The following RAB3IL1 variants were observed in gnomAD, a reference collection of about 807,000 sequenced individuals.
RAB3IL1 encodes guanine nucleotide exchange factor for Rab-3A.
RAB3IL1 carries 37 observed loss-of-function variants against 49.2 expected under a neutral mutation model. The ratio of observed to expected loss-of-function variants is 0.75; its 90% CI spans 0.58 to 0.99. The LOEUF is 0.99. RAB3IL1 is among the 50% of genes least tolerant of loss of function. RAB3IL1 has a pLI of 0.00. For missense variants in RAB3IL1, 484 were observed against 513.0 expected (o/e 0.94, Z 0.55); for synonymous variants, 193 against 213.9 (o/e 0.90, Z 0.85).
chr11:61,902,353 G>A (rs1476151908), intron 8 of RAB3IL1, 89 bp downstream of exon 8: 2 of 1,059,406 alleles, frequency 1.9e-6, no homozygotes. Flanking sequence ...AAGGTGTAGT[G>A]CTATTCATAC....
intron 7 of RAB3IL1, among the ~76,000 whole-genome samples, chr11:61,904,274 G>A (rs1939062047): frequency 6.6e-6 from 1 of 152,112 alleles, no homozygotes; most frequent in African/African-American, 2.4e-5. Flanking sequence ...ATTGGCAGGG[G>A]CACAGCCAGC....
chr11:61,937,042 A>G, the RAB3IL1 span, among the ~76,000 whole-genome samples: 76 of 152,320 alleles, frequency 5.0e-4, no homozygotes, highest in Non-Finnish European at 8.8e-4. Flanking sequence ...ATACATAGGT[A>G]AATATACATA....
chr11:61,912,042 A>C (rs1939475008), intron 1 of RAB3IL1, among the ~76,000 whole-genome samples: 1 of 152,178 alleles, frequency 6.6e-6, no homozygotes, highest in African/African-American at 2.4e-5. Flanking sequence ...ACCAGTGCCC[A>C]AGATGACCCT....
chr11:61,912,546 G>C (rs776059366), intron 1 of RAB3IL1, among the ~76,000 whole-genome samples: 1 of 152,196 alleles, frequency 6.6e-6, no homozygotes. Flanking sequence ...CTGGAAGCTC[G>C]GGACAATTGC....
chr11:61,897,814 AG>A lies in RAB3IL1; in HGVS notation c.*463del. On this transcript the variant is annotated 3_prime_UTR_variant, in exon 10 of 10. Coordinates refer to ENST00000394836, the MANE Select transcript of RAB3IL1 (RefSeq NM_013401.4). The stretch of plus-strand genomic sequence containing the variant: ...GGGAACAAGGCACAGGATGGCCACA[AG>A]GGGGTGCTGCTGGCCCAGGGCTTGG... 1 of 162,464 alleles carries A rather than the reference AG, an allele frequency of 6.2e-6. No individual in the cohort carries two copies. The highest frequency in any genetic ancestry group is 1.3e-5 in the Non-Finnish European group (1 of 74,274). The allele number at this position is 162,464 out of a possible 1,614,324, so 10.1% of individuals were successfully genotyped here. A position where few individuals can be genotyped will look rare whatever the true frequency, so the allele number is the denominator to read the frequency against.
In RAB3IL1 at chr11:61,906,662, A is replaced by G. The variant is rs753946707; in HGVS notation, c.461T>C (p.Val154Ala). The change falls in exon 5 of 10, where the codon GTG (valine) becomes GCG (alanine). Residue 154 changes from valine (V) to alanine (A), a missense_variant. Transcript: ENST00000394836. The surrounding 1 kb of genome is among the most constrained non-coding windows in gnomAD (Gnocchi z 4.6). ...GATGACCAGCGTCTTCAAGGCTGTCACCTCTGCCTGCAGCATGTCGATCTG... is the reference window on the plus strand; with the variant it reads ...GATGACCAGCGTCTTCAAGGCTGTCGCCTCTGCCTGCAGCATGTCGATCTG... ...RGKIDMLQAE[V>A]TALKTLVITS... is the part of the protein sequence containing the mutation. The G allele has an allele frequency of 6.2e-7, 1 of 1,609,486 alleles. No individual in the cohort carries two copies. Among genetic ancestry groups the G allele is most frequent in the Non-Finnish European group, 8.5e-7 (1 of 1,178,406 alleles).
chr11:61,899,562 T>TAGCAGC (rs765570044), intron 8 of RAB3IL1, 182 bp from the exon 9 acceptor site: 19 of 587,112 alleles, frequency 3.2e-5, no homozygotes, highest in Non-Finnish European at 5.2e-5. Context: ...CCTGCTGTAA[T>TAGCAGC]AGCAGCAGCA....
intron 1 of RAB3IL1, 61 bp downstream of exon 1, chr11:61,917,296 C>T (rs983035610): frequency 3.0e-6 from 4 of 1,354,012 alleles, no homozygotes; most frequent in South Asian, 1.7e-5. Context: ...GAAATCCTCC[C>T]GTCCCGGGAG....
the RAB3IL1 span, among the ~76,000 whole-genome samples, chr11:61,932,455 T>C: frequency 6.6e-6 from 1 of 152,314 alleles, no homozygotes; most frequent in African/African-American, 2.4e-5. Flanking sequence ...TATTTGCTTA[T>C]ATCAGTCTTC....
the RAB3IL1 span, among the ~76,000 whole-genome samples, chr11:61,928,321 ATG>A: frequency 1.3e-5 from 2 of 152,156 alleles, no homozygotes; most frequent in African/African-American, 4.8e-5. Flanking sequence ...GGGGACATGA[ATG>A]TGGGCATCTA....
chr11:61,936,538 C>T, the RAB3IL1 span, among the ~76,000 whole-genome samples: 2 of 152,166 alleles, frequency 1.3e-5, no homozygotes, highest in Non-Finnish European at 2.9e-5. Flanking sequence ...GACAGGGTTT[C>T]GCCATGTTGA....
At position 61,907,514 on chromosome 11, in the gene RAB3IL1, G is replaced by C. The variant is rs367883132; in HGVS notation, c.361-44C>G. 204 of 1,613,830 alleles carry C rather than the reference G, an allele frequency of 1.3e-4. 2 individuals carry two copies. Among genetic ancestry groups the C allele is most frequent in the South Asian group, 1.2e-3 (113 of 91,038 alleles). ...CTGCGTGAGTGGTGAGGAGCCAACG[G>C]ACGCCCAGATGACCCATTCCCCAAG... is the stretch of plus-strand genomic sequence containing the variant. On this transcript the variant is annotated intron_variant, in intron 3 of 9. Transcript: ENST00000394836.
At chr11:61,923,426 C>T (rs936716193), upstream of RAB3IL1, among the ~76,000 whole-genome samples, 1 of 152,188 alleles carries the variant, frequency 6.6e-6, no homozygotes, top group Non-Finnish European at 1.5e-5. Flanking sequence ...AGAGCTCAGT[C>T]ACGAGGGGAG....
chr11:61,906,709 A>G lies in RAB3IL1; in HGVS notation c.439-25T>C. ...TCTGCATGGGATGGGATGGCTGTCA[A>G]CCCTCACCCAGACTGGATGCCATCC... is the stretch of plus-strand genomic sequence containing the variant. On this transcript the variant is annotated intron_variant, in intron 4 of 9. Transcript: ENST00000394836. This position sits in a 1 kb window ranked among gnomAD's most constrained non-coding sequence, Gnocchi z 4.6. 2 of 1,581,334 alleles carry G rather than the reference A, an allele frequency of 1.3e-6. No homozygotes were observed. Among genetic ancestry groups the G allele is most frequent in the Admixed American group, 1.8e-5 (1 of 56,052 alleles).
the RAB3IL1 span, among the ~76,000 whole-genome samples, chr11:61,946,092 C>T: frequency 6.6e-6 from 1 of 152,182 alleles, no homozygotes; most frequent in Admixed American, 6.5e-5. Flanking sequence ...GGCAGTGTCC[C>T]CCAGCACCCC....
chr11:61,944,383 G>A, the RAB3IL1 span, among the ~76,000 whole-genome samples: 2 of 151,852 alleles, frequency 1.3e-5, no homozygotes, highest in Non-Finnish European at 2.9e-5. Context: ...GCAATCATCC[G>A]ACCTCAGCCT....
chr11:61,934,315 A>AATAT, the RAB3IL1 span, among the ~76,000 whole-genome samples: 5,044 of 45,858 alleles, frequency 0.11, 329 homozygotes, highest in South Asian at 0.44. Context: ...GGCCTGAGTA[A>AATAT]ATATACACAC....
In RAB3IL1 at chr11:61,902,426, G is replaced by T; in HGVS notation, c.999+16C>A. Reference sequence around the variant, plus strand: ...GCCCCAAAGGAGTCAAGTAACGCTTGCAAAGGCTGACTCACCCTGGCCCGG... The same window carrying T: ...GCCCCAAAGGAGTCAAGTAACGCTTTCAAAGGCTGACTCACCCTGGCCCGG... On this transcript the variant is annotated intron_variant, in intron 8 of 9. Transcript: ENST00000394836. 1 of 1,574,190 alleles carries T rather than the reference G, an allele frequency of 6.4e-7. No homozygotes were observed. The highest frequency in any genetic ancestry group is 8.6e-7 in the Non-Finnish European group (1 of 1,160,354).
chr11:61,929,806 G>A, the RAB3IL1 span, among the ~76,000 whole-genome samples: 2 of 150,072 alleles, frequency 1.3e-5, no homozygotes, highest in African/African-American at 2.4e-5. Flanking sequence ...AGATGGTCTC[G>A]ATCTCCTGAC....
Sources: allele counts gnomAD v4.1 joint callset (sites outside exome capture counted in the v4.1 genomes callset), GRCh38; gene constraint gnomAD v4.1.1; non-coding constraint Gnocchi (gnomAD v3.1); transcripts MANE v1.5; gene names NCBI Gene and HGNC (gene_info 2026-07-23, HGNC 2026-07-21).